Variants in PKHD1L1 observed in about 807,000 individuals in gnomAD.
PKHD1L1 encodes PKHD1 like 1, also known as fibrocystin-L.
In PKHD1L1, 434 loss-of-function variants were observed where a neutral mutation model predicts 462.9. The ratio of observed to expected loss-of-function variants is 0.94; its 90% CI spans 0.87 to 1.02. The LOEUF is 1.02. Ranked by LOEUF, PKHD1L1 falls within the 50% of genes least tolerant of loss-of-function variation. The pLI is 0.00. For synonymous variants in PKHD1L1, 1,781 were observed against 1,750.0 expected (o/e 1.02, Z -0.44); for missense variants, 5,202 against 5,096.1 (o/e 1.02, Z -0.63).
Position 109,401,485 on chromosome 8 carries a change from C to G in PKHD1L1, c.1282-12C>G, listed in dbSNP as rs1813271001. On this transcript the variant is annotated splice_polypyrimidine_tract_variant and intron_variant, in intron 13 of 77. Coordinates refer to ENST00000378402, the MANE Select transcript of PKHD1L1 (RefSeq NM_177531.6). ...TTCTCCCTTTTCTCTGTCTCTGTCTCTCTCGGATTAGGTGAGGATTGCATA... is the reference window on the plus strand; with the variant it reads ...TTCTCCCTTTTCTCTGTCTCTGTCTGTCTCGGATTAGGTGAGGATTGCATA... 6.9e-7 allele frequency: 1 copy of G among 1,445,680 alleles called. No homozygotes were observed. The highest frequency in any genetic ancestry group is 2.3e-5 in the East Asian group (1 of 43,668). The allele number at this position is 1,445,680 out of a possible 1,614,324, so 89.6% of individuals were successfully genotyped here.
At chr8:109,436,681 G>A (rs1815434611) in intron 30 of PKHD1L1, among the ~76,000 whole-genome samples, 1 of 152,214 alleles carries the variant, frequency 6.6e-6, no homozygotes, top group Admixed American at 6.5e-5. Context: ...ATGAAGAAAA[G>A]AGACACATAA....
intron 38 of PKHD1L1, among the ~76,000 whole-genome samples, chr8:109,447,426 C>T (rs866745682): frequency 9.2e-5 from 14 of 152,060 alleles, no homozygotes; most frequent in African/African-American, 2.9e-4. Context: ...GTTATGTTGA[C>T]GAATTTTCAT....
At chr8:109,461,977 C>T (rs73309334) in intron 48 of PKHD1L1, 69 bp downstream of exon 48, 1 of 1,489,916 alleles carries the variant, frequency 6.7e-7, no homozygotes, top group Non-Finnish European at 9.0e-7. Flanking sequence ...GTGTGTTGAA[C>T]TCCTGCTGTT....
At position 109,435,310 on chromosome 8, in the gene PKHD1L1, A is replaced by G. The variant is rs754210449; in HGVS notation, c.3461A>G (p.Gln1154Arg). 7.4e-6 allele frequency: 12 copies of G among 1,613,706 alleles called. No homozygotes were observed. The highest frequency in any genetic ancestry group is 1.6e-4 in the Middle Eastern group (1 of 6,080). The change falls in exon 29 of 78, where the codon CAG (glutamine) becomes CGG (arginine). Residue 1154 changes from glutamine (Q) to arginine (R), a missense_variant. Around this residue, in one of 3 missense-constraint regions of PKHD1L1, gnomAD observed 4,497 missense variants for 4,336.8 expected, o/e 1.04. Transcript: ENST00000378402. The stretch of plus-strand genomic sequence containing the variant: ...GGTGAAGAGTTCTACTTTGTTTATC[A>G]GAGTCAGATCTCACATATCTGGCCT... ...VGGEEFYFVYQSQISHIWPDS... is the reference protein window; with the variant it reads ...VGGEEFYFVYRSQISHIWPDS...
intron 48 of PKHD1L1, among the ~76,000 whole-genome samples, chr8:109,462,515 G>T (rs1817196291): frequency 6.6e-6 from 1 of 151,852 alleles, no homozygotes; most frequent in African/African-American, 2.4e-5. Context: ...TCCTATCTCA[G>T]GTCCTTTGTA....
At chr8:109,448,116 A>G (rs372265399) in intron 38 of PKHD1L1, 27 bp from the exon 39 acceptor site, 11 of 1,543,366 alleles carry the variant, frequency 7.1e-6, no homozygotes, top group Middle Eastern at 1.7e-4. Flanking sequence ...AGATATATTT[A>G]TATTGTGTGC....
chr8:109,518,481 A>G lies in PKHD1L1; in HGVS notation c.12004A>G (p.Ile4002Val). Residue 4002 changes from isoleucine (I) to valine (V), a missense_variant, in exon 73 of 78, where the codon ATT becomes GTT. By Grantham distance (29) the Ile-to-Val change is conservative. This residue lies in a region of PKHD1L1 where 698 missense variants were observed against 736.3 expected (regional missense o/e 0.95). Transcript: ENST00000378402. ...IIEIEIGDPP[I>V]QFISNGTTGQ... ...TGAAATAGAGATTGGAGACCCTCCT[A>G]TTCAGTTCATAAGCAATGGCACCAC... is the stretch of plus-strand genomic sequence containing the variant. The G allele has an allele frequency of 1.9e-6, 3 of 1,603,492 alleles. No homozygotes were observed. Among genetic ancestry groups the G allele is most frequent in the Non-Finnish European group, 2.5e-6 (3 of 1,179,028 alleles).
At chr8:109,483,947 A>G (rs1020286705) in intron 57 of PKHD1L1, among the ~76,000 whole-genome samples, 2 of 151,796 alleles carry the variant, frequency 1.3e-5, no homozygotes, top group South Asian at 4.1e-4. Flanking sequence ...CAGGTTTTAC[A>G]AATACATTTT....
At chr8:109,515,971 G>A (rs953160366) in intron 72 of PKHD1L1, among the ~76,000 whole-genome samples, 1 of 151,708 alleles carries the variant, frequency 6.6e-6, no homozygotes, top group Admixed American at 6.6e-5. Context: ...ATAGATGTGT[G>A]TGGTAGATCA....
intron 63 of PKHD1L1, among the ~76,000 whole-genome samples, chr8:109,494,405 G>C (rs1818985773): frequency 6.6e-6 from 1 of 151,892 alleles, no homozygotes; most frequent in Non-Finnish European, 1.5e-5. Flanking sequence ...GCTAACAGTT[G>C]CCTTTACAAA....
rs778233374 is a variant in PKHD1L1 at position 109,480,076 on chromosome 8, T to C, written c.9264T>C (p.Asn3088=). The change falls in exon 55 of 78, where the codon AAT becomes AAC. Residue 3088 remains asparagine, a synonymous_variant. Transcript: ENST00000378402. ...WGVLELEDKY[N]VGAAESSYRE... ...TTCTAGAACTGGAAGATAAATACAA[T>C]GTAGGAGCTGCAGAATCTTCTTACA... is the stretch of plus-strand genomic sequence containing the variant. The C allele has an allele frequency of 3.2e-6, 5 of 1,583,670 alleles. No individual in the cohort carries two copies. In the South Asian group the frequency reaches 3.5e-5, roughly 11 times the overall value.
chr8:109,520,351 A>G (rs916688058), intron 73 of PKHD1L1, among the ~76,000 whole-genome samples: 2 of 152,094 alleles, frequency 1.3e-5, no homozygotes, highest in African/African-American at 4.8e-5. Flanking sequence ...GTGAGCCCTT[A>G]CGTGTCGTGA....
chr8:109,427,470 A>G (rs894140250), intron 25 of PKHD1L1, among the ~76,000 whole-genome samples: 2 of 152,208 alleles, frequency 1.3e-5, no homozygotes, highest in Non-Finnish European at 2.9e-5. Context: ...ACTAAACCGA[A>G]CTAAATCCAG....
At chr8:109,521,782 G>C (rs1417429028) in intron 73 of PKHD1L1, among the ~76,000 whole-genome samples, 1 of 152,074 alleles carries the variant, frequency 6.6e-6, no homozygotes, top group South Asian at 2.1e-4. Flanking sequence ...TAATATGATC[G>C]ATTCTAACAA....
At chr8:109,483,524 T>C (rs1818375022) in intron 57 of PKHD1L1, among the ~76,000 whole-genome samples, 1 of 128,088 alleles carries the variant, frequency 7.8e-6, no homozygotes, top group South Asian at 3.0e-4. Flanking sequence ...TATTATTTTA[T>C]ATTAATATAT....
intron 21 of PKHD1L1, 110 bp from the exon 22 acceptor site, chr8:109,418,987 C>A: frequency 3.2e-6 from 3 of 950,310 alleles, no homozygotes; most frequent in Non-Finnish European, 4.5e-6. Flanking sequence ...CCCTGATGGT[C>A]GTCTTGTGGG....
chr8:109,400,721 G>A (rs1406733323), intron 13 of PKHD1L1, among the ~76,000 whole-genome samples: 3 of 151,796 alleles, frequency 2.0e-5, no homozygotes, highest in East Asian at 1.9e-4. Flanking sequence ...TGACTAAGCA[G>A]TGTTATTACT....
chr8:109,492,051 A>G, intron 62 of PKHD1L1, 57 bp downstream of exon 62: 1 of 1,275,760 alleles, frequency 7.8e-7, no homozygotes, highest in Non-Finnish European at 1.0e-6. Flanking sequence ...TTATTGAAAA[A>G]TATCTAATAA....
At chr8:109,375,765 A>T (rs1473344704) in intron 2 of PKHD1L1, among the ~76,000 whole-genome samples, 1 of 152,092 alleles carries the variant, frequency 6.6e-6, no homozygotes, top group Non-Finnish European at 1.5e-5. Flanking sequence ...CTGGAGGTCC[A>T]CTCCAGACCC....
Sources: gnomAD v4.1 joint callset for allele counts (sites outside exome capture counted in the v4.1 genomes callset) on GRCh38, gnomAD v4.1.1 for gene constraint, gnomAD v4.1.1 regional missense constraint, MANE v1.5 for transcripts, NCBI Gene and HGNC (gene_info 2026-07-23, HGNC 2026-07-21) for gene names.